The following IFT52 variants were observed in gnomAD, a reference collection of about 807,000 sequenced individuals.
IFT52 encodes intraflagellar transport 52, also known as intraflagellar transport protein 52 homolog.
IFT52 carries 44 observed loss-of-function variants against 54.4 expected under a neutral mutation model. The observed-to-expected ratio is 0.81, with a 90% confidence interval of 0.63 to 1.04. The LOEUF is 1.04. Among genes scored for constraint, IFT52 ranks in the 50% least tolerant of loss-of-function variants. The pLI is 0.00. For missense variants in IFT52, 452 were observed against 523.6 expected, an observed-to-expected ratio of 0.86 and a Z score of 1.33; for synonymous variants, 181 against 185.3, an observed-to-expected ratio of 0.98 and a Z score of 0.19.
intron 1 of IFT52, among the ~76,000 whole-genome samples, chr20:43,593,166 C>G (rs1284475543): frequency 6.6e-6 from 1 of 151,840 alleles, no homozygotes; most frequent in Non-Finnish European, 1.5e-5. Flanking sequence ...TCAAGAGTAC[C>G]TGGACAAGAA....
At chr20:43,600,513 C>G (rs571634844) in intron 3 of IFT52, among the ~76,000 whole-genome samples, 39 of 152,060 alleles carry the variant, frequency 2.6e-4, no homozygotes, top group Admixed American at 7.9e-4. Context: ...ACCGTGTTAG[C>G]CAGGGTGATC....
intron 7 of IFT52, among the ~76,000 whole-genome samples, chr20:43,618,726 C>T (rs897664078): frequency 4.0e-5 from 6 of 151,864 alleles, no homozygotes; most frequent in African/African-American, 4.8e-5. Flanking sequence ...TCAGGTGATC[C>T]GCCTGCCTCG....
At chr20:43,601,339 A>G (rs940912006) in intron 3 of IFT52, among the ~76,000 whole-genome samples, 4 of 152,184 alleles carry the variant, frequency 2.6e-5, no homozygotes, top group Admixed American at 6.5e-5. Flanking sequence ...TTCTAAGCCA[A>G]TTTCTAAAAT....
At chr20:43,625,214 T>C (rs1023146211) in intron 10 of IFT52, among the ~76,000 whole-genome samples, 1 of 152,014 alleles carries the variant, frequency 6.6e-6, no homozygotes, top group African/African-American at 2.4e-5. Context: ...CATTGCATTT[T>C]AAATAGGGTG....
chr20:43,600,157 G>A (rs149111354), intron 3 of IFT52, among the ~76,000 whole-genome samples: 33 of 152,248 alleles, frequency 2.2e-4, no homozygotes, highest in African/African-American at 6.7e-4. Flanking sequence ...TGAAATAAAT[G>A]TTTAATAAGT....
At chr20:43,638,392 T>C (rs1985691039) in intron 12 of IFT52, among the ~76,000 whole-genome samples, 1 of 152,232 alleles carries the variant, frequency 6.6e-6, no homozygotes, top group Non-Finnish European at 1.5e-5. Flanking sequence ...GGTTTTACCA[T>C]GTTGGCCAAG....
intron 10 of IFT52, among the ~76,000 whole-genome samples, chr20:43,626,671 G>A (rs551920072): frequency 1.3e-5 from 2 of 151,364 alleles, no homozygotes; most frequent in African/African-American, 4.9e-5. Context: ...AGTTTAATTA[G>A]CATTTTTTTT....
At chr20:43,601,972 C>G (rs1472079484) in intron 3 of IFT52, among the ~76,000 whole-genome samples, 3 of 151,966 alleles carry the variant, frequency 2.0e-5, no homozygotes, top group Non-Finnish European at 4.4e-5. Context: ...GGATCAAAGT[C>G]AAATAGCACA....
intron 6 of IFT52, among the ~76,000 whole-genome samples, chr20:43,613,615 C>T (rs1983625765): frequency 6.6e-6 from 1 of 152,100 alleles, no homozygotes; most frequent in South Asian, 2.1e-4. Flanking sequence ...AACCCTGGCT[C>T]TACTAAAAAT....
At chr20:43,620,114 A>G (rs1984173066) in intron 8 of IFT52, among the ~76,000 whole-genome samples, 1 of 151,436 alleles carries the variant, frequency 6.6e-6, no homozygotes, top group Admixed American at 6.6e-5. Flanking sequence ...ATGAGGTTTC[A>G]CTATGTTGGC....
chr20:43,615,983 T>C (rs1404775202), intron 7 of IFT52, among the ~76,000 whole-genome samples: 1 of 152,100 alleles, frequency 6.6e-6, no homozygotes, highest in Non-Finnish European at 1.5e-5. Context: ...TGGCAGGCTT[T>C]GCAGCATTTG....
chr20:43,640,519 T>C (rs1985844552), intron 12 of IFT52, among the ~76,000 whole-genome samples: 1 of 152,084 alleles, frequency 6.6e-6, no homozygotes, highest in Non-Finnish European at 1.5e-5. Flanking sequence ...GGAATGTCCA[T>C]AATACATCAT....
intron 6 of IFT52, among the ~76,000 whole-genome samples, chr20:43,608,355 G>A (rs554577069): frequency 6.6e-6 from 1 of 152,248 alleles, no homozygotes; most frequent in South Asian, 2.1e-4. Flanking sequence ...TGCCAGCATG[G>A]AGTATTCTAG....
chr20:43,636,218 T>C (rs369139690), intron 11 of IFT52, among the ~76,000 whole-genome samples: 23 of 152,368 alleles, frequency 1.5e-4, no homozygotes, highest in East Asian at 1.3e-3. Flanking sequence ...AATTGAGGAA[T>C]CAAGGATGTG....
At chr20:43,605,498 G>A (rs1019871739) in intron 6 of IFT52, among the ~76,000 whole-genome samples, 1 of 152,308 alleles carries the variant, frequency 6.6e-6, no homozygotes, top group East Asian at 1.9e-4. Flanking sequence ...AGTGAGCCAA[G>A]ATTACGCCAC....
At chr20:43,629,500 C>G (rs6030996) in intron 10 of IFT52, among the ~76,000 whole-genome samples, 2 of 151,694 alleles carry the variant, frequency 1.3e-5, no homozygotes, top group African/African-American at 4.8e-5. Flanking sequence ...TCTCGATCTC[C>G]TGACCTCGTT....
At position 43,599,183 on chromosome 20, in the gene IFT52, G is replaced by A. The variant is rs575525540; in HGVS notation, c.207+2661G>A. Among the ~76,000 whole-genome samples, 7 of 152,276 alleles carry A rather than the reference G, an allele frequency of 4.6e-5. No individual in the cohort carries two copies. The South Asian group carries it at 1.5e-3, about 32-fold the overall frequency. On this transcript the variant is annotated intron_variant, in intron 3 of 13. Coordinates refer to ENST00000373030, the MANE Select transcript of IFT52 (RefSeq NM_016004.5). ...CACACAGAGGGCAGTGGCCTGCAGAGCAACACTCTATTGCTTGTTGGGCTT... is the reference window on the plus strand; with the variant it reads ...CACACAGAGGGCAGTGGCCTGCAGAACAACACTCTATTGCTTGTTGGGCTT...
intron 9 of IFT52, among the ~76,000 whole-genome samples, chr20:43,622,749 AAATATAAATATATACAAATTGTG>A (rs1469155670): frequency 4.1e-4 from 39 of 95,060 alleles, no homozygotes; most frequent in African/African-American, 1.6e-3. Flanking sequence ...ATTTTTATGT[AAATATAAATATATACAAATTGTG>A]TGTAAATATA....
intron 12 of IFT52, among the ~76,000 whole-genome samples, chr20:43,638,618 T>A (rs529425778): frequency 3.8e-4 from 58 of 152,208 alleles, no homozygotes; most frequent in African/African-American, 1.3e-3. Context: ...AAATATATTT[T>A]AAAAAAATAA....
Sources: gnomAD v4.1 joint callset for allele counts (sites outside exome capture counted in the v4.1 genomes callset) on GRCh38, gnomAD v4.1.1 for gene constraint, MANE v1.5 for transcripts, NCBI Gene and HGNC (gene_info 2026-07-23, HGNC 2026-07-21) for gene names.